The following MBTD1 variants were observed in gnomAD, a reference collection of about 807,000 sequenced individuals.
MBTD1 encodes the protein mbt domain containing 1.
Under a neutral mutation model 87.8 loss-of-function variants are expected in MBTD1, and 24 were observed. That is an observed-to-expected ratio of 0.27 (90% confidence interval 0.20 to 0.38). MBTD1 has a LOEUF of 0.38. Ranked by LOEUF, MBTD1 falls within the 10% of genes least tolerant of loss-of-function variation. The pLI is 1.00. For synonymous variants in MBTD1, 237 were observed against 248.6 expected (o/e 0.95, Z 0.44); for missense variants, 436 against 760.2 (o/e 0.57, Z 5.02).
chr17:51,203,071 C>G (rs75075546), intron 9 of MBTD1, 69 bp downstream of exon 9: 19 of 1,350,872 alleles, frequency 1.4e-5, no homozygotes, highest in Non-Finnish European at 2.0e-5. Flanking sequence ...TAAACCAATT[C>G]CTTAAAAATG....
chr17:51,180,316 C>A lies in MBTD1; in HGVS notation c.*260G>T. 5.8e-6 allele frequency: 2 copies of A among 347,144 alleles called. No homozygotes were observed. Among genetic ancestry groups the A allele is most frequent in the Non-Finnish European group, 1.0e-5 (2 of 193,272 alleles). 21.5% of individuals were successfully genotyped at this position (347,144 alleles called of 1,614,324 possible). ...GTTCTTGTTAACAATGCACATAAATCCAAACTTGGAAAATATTACAAAATT... is the reference window on the plus strand; with the variant it reads ...GTTCTTGTTAACAATGCACATAAATACAAACTTGGAAAATATTACAAAATT... On this transcript the variant is annotated 3_prime_UTR_variant, in exon 17 of 17. Coordinates refer to ENST00000586178, the MANE Select transcript of MBTD1 (RefSeq NM_017643.3).
chr17:51,254,873 T>A (rs528790148), intron 2 of MBTD1, among the ~76,000 whole-genome samples: 3 of 152,218 alleles, frequency 2.0e-5, no homozygotes, highest in African/African-American at 7.2e-5. Flanking sequence ...GCCTAGAGAT[T>A]CCCTGAGATC....
rs1426464214 is a variant in MBTD1 at position 51,179,482 on chromosome 17, TTTTATATATATATA to T, written c.*1080_*1093del. On this transcript the variant is annotated 3_prime_UTR_variant, in exon 17 of 17. Transcript: ENST00000586178. ...AAATCCTGAATACAATTAAAGACAATTTTATATATATATATATATATATATATATATATATATAT... is the reference window on the plus strand; with the variant it reads ...AAATCCTGAATACAATTAAAGACAATTATATATATATATATATATATATAT... The T allele has an allele frequency of 2.8e-3, 88 of 31,648 alleles. 8 individuals carry two copies. Among genetic ancestry groups the T allele is most frequent in the Middle Eastern group, 0.017 (1 of 60 alleles). 2.0% of individuals were successfully genotyped at this position (31,648 alleles called of 1,614,324 possible).
intron 2 of MBTD1, chr17:51,250,642 G>T (rs1414839162): frequency 2.6e-5 from 4 of 152,284 alleles, no homozygotes; most frequent in Admixed American, 2.6e-4. Context: ...GAGACCCTGA[G>T]AATTCTTTGC....
chr17:51,233,668 AAAAAC>A (rs200429894), intron 2 of MBTD1, among the ~76,000 whole-genome samples: 1 of 152,244 alleles, frequency 6.6e-6, no homozygotes, highest in African/African-American at 2.4e-5. Context: ...CATAAAAGAA[AAAAAC>A]AAAACAAAAC....
At chr17:51,213,810 C>A (rs1013658240) in intron 6 of MBTD1, among the ~76,000 whole-genome samples, 1 of 152,150 alleles carries the variant, frequency 6.6e-6, no homozygotes, top group African/African-American at 2.4e-5. Flanking sequence ...GGCAGCAACA[C>A]CCCATCTCTG....
At chr17:51,191,246 T>C (rs2050793508) in intron 16 of MBTD1, among the ~76,000 whole-genome samples, 1 of 148,952 alleles carries the variant, frequency 6.7e-6, no homozygotes, top group Non-Finnish European at 1.5e-5. Flanking sequence ...TAAAATATAG[T>C]ATAGAAAGAA....
intron 12 of MBTD1, among the ~76,000 whole-genome samples, chr17:51,198,754 C>T (rs7221093): frequency 0.026 from 3,986 of 152,170 alleles, 186 homozygotes; most frequent in African/African-American, 0.09. Flanking sequence ...CTGGCCTTGA[C>T]TGTGATTCCG....
intron 2 of MBTD1, among the ~76,000 whole-genome samples, chr17:51,242,797 A>G (rs1300025755): frequency 1.3e-5 from 2 of 152,210 alleles, no homozygotes; most frequent in Non-Finnish European, 2.9e-5. Context: ...GTATATGTAC[A>G]GCTATATATA....
intron 12 of MBTD1, among the ~76,000 whole-genome samples, chr17:51,198,247 T>A (rs2051251960): frequency 6.6e-6 from 1 of 152,242 alleles, no homozygotes; most frequent in Non-Finnish European, 1.5e-5. Context: ...CCTCTATGGA[T>A]GCTGCCCCTC....
chr17:51,225,782 G>A (rs1487569784), intron 2 of MBTD1, among the ~76,000 whole-genome samples: 2 of 103,538 alleles, frequency 1.9e-5, no homozygotes, highest in Non-Finnish European at 4.0e-5. Flanking sequence ...TATATTCCTA[G>A]CACTTTTTTT....
chr17:51,260,470 G>A, upstream of MBTD1: 4 of 1,157,518 alleles, frequency 3.5e-6, no homozygotes, highest in Non-Finnish European at 4.8e-6. Flanking sequence ...GTGGCAAGAG[G>A]CTGCGCAGGC....
At chr17:51,255,280 C>CAA (rs543671090) in intron 2 of MBTD1, among the ~76,000 whole-genome samples, 1 of 139,106 alleles carries the variant, frequency 7.2e-6, no homozygotes, top group Non-Finnish European at 1.6e-5. Flanking sequence ...GACTCCATCT[C>CAA]AAAAAAAAAA....
At chr17:51,214,782 C>T (rs890321659) in intron 6 of MBTD1, among the ~76,000 whole-genome samples, 33 of 152,062 alleles carry the variant, frequency 2.2e-4, no homozygotes, top group Admixed American at 2.2e-3. Flanking sequence ...AACAAAGAGG[C>T]CTTCCTGACT....
chr17:51,203,577 A>G (rs73353604), intron 8 of MBTD1, among the ~76,000 whole-genome samples: 6,328 of 152,082 alleles, frequency 0.042, 443 homozygotes, highest in African/African-American at 0.14. Context: ...GCTAGGGAGA[A>G]GTTGAGATGG....
Position 51,195,366 on chromosome 17 carries a change from T to G in MBTD1, c.1225-5A>C, listed in dbSNP as rs766701993. 1 of 1,584,558 alleles carries G rather than the reference T, an allele frequency of 6.3e-7. No homozygotes were observed. The highest frequency in any genetic ancestry group is 1.2e-5 in the South Asian group (1 of 86,054). ...CAGGAATCCGTCAGCTAGCACCTTT[T>G]CAATGAAGAGAATTCTAAGTACTTG... is the stretch of plus-strand genomic sequence containing the variant. On this transcript the variant is annotated splice_region_variant and splice_polypyrimidine_tract_variant and intron_variant, in intron 12 of 16. Coordinates refer to ENST00000586178, the MANE Select transcript of MBTD1 (RefSeq NM_017643.3).
At position 51,236,718 on chromosome 17, in the gene MBTD1, T is replaced by G. The variant is rs1052457738; in HGVS notation, c.-48-11509A>C. 1.4e-4 allele frequency among the ~76,000 whole-genome samples: 21 copies of G among 151,960 alleles called. 1 individual carries two copies. Among genetic ancestry groups the G allele is most frequent in the Admixed American group, 1.3e-4 (2 of 15,256 alleles). ...CTCTCTCTGTTTGCTTATATATCTA[T>G]AGATATATACGGTCAATTGATTTTT... On this transcript the variant is annotated intron_variant, in intron 2 of 16. Coordinates refer to ENST00000586178, the MANE Select transcript of MBTD1 (RefSeq NM_017643.3).
intron 2 of MBTD1, among the ~76,000 whole-genome samples, chr17:51,236,893 C>T (rs1020629339): frequency 1.5e-4 from 23 of 152,110 alleles, no homozygotes; most frequent in Admixed American, 5.9e-4. Flanking sequence ...AGTTCATAGG[C>T]CTAAATGTAA....
chr17:51,249,146 G>C (rs1486966873), intron 2 of MBTD1, among the ~76,000 whole-genome samples: 1 of 151,700 alleles, frequency 6.6e-6, no homozygotes, highest in Non-Finnish European at 1.5e-5. Context: ...TGTGGTCTCA[G>C]CTACTTGGGA....
Sources: allele counts gnomAD v4.1 joint callset (sites outside exome capture counted in the v4.1 genomes callset), GRCh38; gene constraint gnomAD v4.1.1; transcripts MANE v1.5; gene names NCBI Gene and HGNC (gene_info 2026-07-23, HGNC 2026-07-21).